ABCC9: variants seen among roughly 807,000 people sequenced by gnomAD.
ABCC9 encodes ATP-binding cassette sub-family C member 9.
In ABCC9, 95 loss-of-function variants were observed where a neutral mutation model predicts 188.3. The observed-to-expected ratio is 0.50, with a 90% CI of 0.43 to 0.60. ABCC9 has a LOEUF of 0.60. Among genes scored for constraint, ABCC9 ranks in the 20% least tolerant of loss-of-function variants. The pLI is 0.00. For missense variants in ABCC9, 1,102 were observed against 1,876.3 expected, an observed-to-expected ratio of 0.59 and a Z score of 7.62; for synonymous variants, 659 against 652.7, an observed-to-expected ratio of 1.01 and a Z score of -0.15.
intron 21 of ABCC9, 52 bp downstream of exon 21, chr12:21,860,919 A>T (rs1413576422): frequency 1.5e-6 from 2 of 1,363,976 alleles, no homozygotes; most frequent in African/African-American, 1.4e-5. Context: ...AGACAACCAG[A>T]AGACTTTTCT....
At chr12:21,908,294 T>A in intron 10 of ABCC9, 83 bp from the exon 11 acceptor site, 2 of 1,481,494 alleles carry the variant, frequency 1.3e-6, no homozygotes, top group South Asian at 2.3e-5. Context: ...TTAGTGCAAA[T>A]GTAGTATTTC....
intron 30 of ABCC9, chr12:21,830,974 T>TTATCTATCTGTC (rs1943721520): frequency 6.8e-6 from 1 of 147,376 alleles, no homozygotes; most frequent in Non-Finnish European, 1.5e-5. Flanking sequence ...ACCATAAAGA[T>TTATCTATCTGTC]TATCTATCTA....
Position 21,906,299 on chromosome 12 carries a change from A to C in ABCC9, c.1456-11T>G. On this transcript the variant is annotated splice_polypyrimidine_tract_variant and intron_variant, in intron 11 of 39. Coordinates refer to ENST00000261200, the MANE Select transcript of ABCC9 (RefSeq NM_020297.4). ...CTCAGTGGAATAATCCTATAAAACAAAGGAAGAAAAATAATACCAGCTGCA... is the reference window on the plus strand; with the variant it reads ...CTCAGTGGAATAATCCTATAAAACACAGGAAGAAAAATAATACCAGCTGCA... 6.2e-7 allele frequency: 1 copy of C among 1,601,006 alleles called. No individual in the cohort carries two copies. The highest frequency in any genetic ancestry group is 8.5e-7 in the Non-Finnish European group (1 of 1,172,198).
chr12:21,925,194 A>C, intron 5 of ABCC9: 2 of 254,002 alleles, frequency 7.9e-6, no homozygotes, highest in Non-Finnish European at 1.5e-5. Flanking sequence ...TTATCTCTTT[A>C]AGAAAGAAAG....
chr12:21,933,732 A>G lies in ABCC9; in HGVS notation c.284+50T>C, dbSNP rs780743110. On this transcript the variant is annotated intron_variant, in intron 4 of 39. Transcript: ENST00000261200. ...ACAAAGATGTGAACTTGTGTAATCA[A>G]TATACCCACTGGTATACTGCAGTGG... 3.4e-5 allele frequency: 54 copies of G among 1,599,480 alleles called. No homozygotes were observed. In the African/African-American group the frequency reaches 5.9e-4, roughly 17 times the overall value.
At chr12:21,869,803 G>C (rs1230460213) in intron 18 of ABCC9, 1 of 152,164 alleles carries the variant, frequency 6.6e-6, no homozygotes, top group East Asian at 1.9e-4. Context: ...GACTTGTCTT[G>C]TCTTGTTCAA....
At chr12:21,874,826 A>G (rs1946259268) in intron 17 of ABCC9, among the ~76,000 whole-genome samples, 1 of 152,200 alleles carries the variant, frequency 6.6e-6, no homozygotes, top group Non-Finnish European at 1.5e-5. Flanking sequence ...AGGTATTTTA[A>G]CTAATTTAGT....
At chr12:21,810,867 T>C (rs1006687487) in intron 36 of ABCC9, among the ~76,000 whole-genome samples, 2 of 152,298 alleles carry the variant, frequency 1.3e-5, no homozygotes, top group Admixed American at 6.5e-5. Context: ...TTACATACAT[T>C]TTTTCTTTAC....
chr12:21,870,779 TCTA>T (rs71053351), intron 18 of ABCC9, among the ~76,000 whole-genome samples: 39,942 of 151,942 alleles, frequency 0.26, 5,771 homozygotes, highest in Non-Finnish European at 0.33. Context: ...TCTTTCAAAC[TCTA>T]CTATGTTATT....
chr12:21,920,475 A>G (rs1158138931), intron 5 of ABCC9, among the ~76,000 whole-genome samples: 1 of 152,080 alleles, frequency 6.6e-6, no homozygotes, highest in Non-Finnish European at 1.5e-5. Flanking sequence ...GTTACATGAA[A>G]TGATTTGATA....
intron 10 of ABCC9, among the ~76,000 whole-genome samples, chr12:21,908,802 C>T (rs1175263393): frequency 1.3e-5 from 2 of 151,842 alleles, no homozygotes; most frequent in Non-Finnish European, 2.9e-5. Context: ...AAGTTAGTGT[C>T]CTATCTTAAT....
chr12:21,908,722 A>T (rs889600902), intron 10 of ABCC9, among the ~76,000 whole-genome samples: 13 of 152,072 alleles, frequency 8.5e-5, no homozygotes, highest in Middle Eastern at 3.4e-3. Flanking sequence ...TGAGCTCCTC[A>T]CCTTCTTATG....
At chr12:21,820,506 A>G (rs893710183) in intron 31 of ABCC9, among the ~76,000 whole-genome samples, 6 of 151,246 alleles carry the variant, frequency 4.0e-5, no homozygotes, top group Non-Finnish European at 7.4e-5. Flanking sequence ...TATATAGCCT[A>G]TATATATATA....
Position 21,939,420 on chromosome 12 carries a change from TTG to T in ABCC9, c.-21+1288_-21+1289del, listed in dbSNP as rs1360856735. On this transcript the variant is annotated intron_variant, in intron 2 of 39. Coordinates refer to ENST00000261200, the MANE Select transcript of ABCC9 (RefSeq NM_020297.4). ...CTTATTGCTGATATATTGATAATTA[TTG>T]TGTTTATCAAAGGCATTTTATTCAA... Among the ~76,000 whole-genome samples the T allele has an allele frequency of 5.3e-5, 8 of 152,360 alleles. No individual in the cohort carries two copies. The East Asian group carries it at 1.5e-3, about 29-fold the overall frequency.
At chr12:21,893,622 T>C (rs1947275474) in intron 14 of ABCC9, among the ~76,000 whole-genome samples, 1 of 152,128 alleles carries the variant, frequency 6.6e-6, no homozygotes, top group African/African-American at 2.4e-5. Flanking sequence ...GAGAAAAGTT[T>C]ACAGATAAAC....
At chr12:21,886,631 A>T (rs1219590159) in intron 15 of ABCC9, among the ~76,000 whole-genome samples, 1 of 152,104 alleles carries the variant, frequency 6.6e-6, no homozygotes, top group Non-Finnish European at 1.5e-5. Flanking sequence ...AAATTATATT[A>T]CTCCCTACTT....
chr12:21,817,805 T>C (rs908047160), intron 32 of ABCC9, among the ~76,000 whole-genome samples: 3 of 152,180 alleles, frequency 2.0e-5, no homozygotes, highest in African/African-American at 7.2e-5. Flanking sequence ...GTTATGAATT[T>C]AAACCTTTCC....
At chr12:21,847,530 T>C (rs1944738719) in intron 25 of ABCC9, among the ~76,000 whole-genome samples, 1 of 152,112 alleles carries the variant, frequency 6.6e-6, no homozygotes, top group Admixed American at 6.6e-5. Flanking sequence ...CATAAAGCAT[T>C]TACTCTATTG....
Position 21,800,703 on chromosome 12 carries a change from A to C in ABCC9, c.*341T>G. 1 of 324,048 alleles carries C rather than the reference A, an allele frequency of 3.1e-6. No homozygotes were observed. The highest frequency in any genetic ancestry group is 5.9e-6 in the Non-Finnish European group (1 of 170,566). The allele number at this position is 324,048 out of a possible 1,614,324, so 20.1% of individuals were successfully genotyped here. ...AAACAAGAGTATAGTAATACTGACT[A>C]CTCATTGACACTTCCATTCCTGAGA... On this transcript the variant is annotated 3_prime_UTR_variant, in exon 40 of 40. Coordinates refer to ENST00000261200, the MANE Select transcript of ABCC9 (RefSeq NM_020297.4).
Sources: gnomAD v4.1 joint callset for allele counts (sites outside exome capture counted in the v4.1 genomes callset) on GRCh38, gnomAD v4.1.1 for gene constraint, MANE v1.5 for transcripts, NCBI Gene and HGNC (gene_info 2026-07-23, HGNC 2026-07-21) for gene names.